PAQR5: variants seen among roughly 807,000 people sequenced by gnomAD.
The protein encoded by PAQR5 is membrane progestin receptor gamma.
In PAQR5, 20 loss-of-function variants were observed where a neutral mutation model predicts 34.5. The ratio of observed to expected loss-of-function variants is 0.58; its 90% confidence interval spans 0.41 to 0.84. The LOEUF (loss-of-function observed/expected upper bound fraction) is 0.84, where lower values mean the gene tolerates loss of function less well. Ranked by LOEUF, PAQR5 falls within the 40% of genes least tolerant of loss-of-function variation. PAQR5 has a pLI of 0.00. For missense variants in PAQR5, 378 were observed against 412.7 expected (o/e 0.92, Z 0.73); for synonymous variants, 131 against 155.6 (o/e 0.84, Z 1.18).
chr15:69,330,186 G>A (rs1468900268), intron 1 of PAQR5, among the ~76,000 whole-genome samples: 2 of 152,080 alleles, frequency 1.3e-5, no homozygotes, highest in Non-Finnish European at 2.9e-5. Flanking sequence ...AATACACCAG[G>A]GAATGTTAGT....
At chr15:69,393,650 G>A (rs529811714) in intron 6 of PAQR5, among the ~76,000 whole-genome samples, 63 of 152,252 alleles carry the variant, frequency 4.1e-4, no homozygotes, top group Non-Finnish European at 7.2e-4. Context: ...GGGCAGGAGC[G>A]GGAGAGAACC....
chr15:69,377,296 A>AG (rs1308249739), intron 3 of PAQR5, among the ~76,000 whole-genome samples: 1 of 152,214 alleles, frequency 6.6e-6, no homozygotes, highest in African/African-American at 2.4e-5. Flanking sequence ...AGTCCTGCCA[A>AG]GCACGTGCCG....
At chr15:69,316,343 G>T (rs952598667) in intron 1 of PAQR5, among the ~76,000 whole-genome samples, 1 of 152,102 alleles carries the variant, frequency 6.6e-6, no homozygotes, top group African/African-American at 2.4e-5. Flanking sequence ...GGCCTCCCAA[G>T]GTTCTGGGAT....
At chr15:69,355,601 A>C in intron 2 of PAQR5, among the ~76,000 whole-genome samples, 1 of 151,462 alleles carries the variant, frequency 6.6e-6, no homozygotes, top group East Asian at 2.0e-4. Context: ...TTGTATTTTT[A>C]GTAGAAACAG....
At chr15:69,392,800 AGAG>A (rs1371600348) in intron 6 of PAQR5, among the ~76,000 whole-genome samples, 1 of 148,978 alleles carries the variant, frequency 6.7e-6, no homozygotes, top group Non-Finnish European at 1.5e-5. Context: ...CTTTAGCTGA[AGAG>A]GAGGACATAG....
chr15:69,303,603 G>A (rs36075075), intron 1 of PAQR5, among the ~76,000 whole-genome samples: 68,287 of 149,056 alleles, frequency 0.46, 18,421 homozygotes, highest in Middle Eastern at 0.61. Flanking sequence ...CAATCAATCA[G>A]TCAGTCAATC....
chr15:69,402,506 C>CG (rs1207541646), intron 8 of PAQR5, among the ~76,000 whole-genome samples: 3 of 151,672 alleles, frequency 2.0e-5, no homozygotes, highest in Non-Finnish European at 4.4e-5. Flanking sequence ...TTAGTAGAGA[C>CG]GGGGTTTCAT....
intron 1 of PAQR5, among the ~76,000 whole-genome samples, chr15:69,307,497 T>G (rs2053744339): frequency 6.6e-6 from 1 of 152,152 alleles, no homozygotes; most frequent in African/African-American, 2.4e-5. Context: ...AAGCCCAGGC[T>G]GCAGGAAGAA....
At chr15:69,391,903 GA>G (rs1436128111) in intron 6 of PAQR5, 10 of 382,800 alleles carry the variant, frequency 2.6e-5, no homozygotes, top group Non-Finnish European at 4.7e-5. Flanking sequence ...CTAAAAATAC[GA>G]AAGTTAGCTG....
chr15:69,339,172 C>CG (rs1447202662), intron 2 of PAQR5, among the ~76,000 whole-genome samples: 3 of 144,488 alleles, frequency 2.1e-5, no homozygotes, highest in Admixed American at 6.9e-5. Context: ...CTGGCTACAC[C>CG]CCCCACCCCG....
chr15:69,326,001 A>G (rs560303674), intron 1 of PAQR5, among the ~76,000 whole-genome samples: 2 of 152,158 alleles, frequency 1.3e-5, no homozygotes, highest in East Asian at 3.9e-4. Flanking sequence ...TCCCTCTGAA[A>G]TGTATCTGTA....
chr15:69,400,014 C>A lies in PAQR5; in HGVS notation c.650C>A (p.Thr217Asn), dbSNP rs758279096. ...GGGGAGAGTGCACAAAATGAAGCCA[C>A]CTCGTACCACCAGAAGCACATGATC... ...FPGESAQNEA[T>N]SYHQKHMIMT... The change falls in exon 8 of 9, where the codon ACC becomes AAC. Residue 217 changes from threonine to asparagine, a missense_variant. By Grantham distance (65) the Thr-to-Asn change is moderately conservative. Coordinates refer to ENST00000395407, the MANE Select transcript of PAQR5 (RefSeq NM_017705.4). The A allele has an allele frequency of 2.5e-6, 4 of 1,614,180 alleles. No homozygotes were observed. In the South Asian group the frequency reaches 4.4e-5, roughly 18 times the overall value.
At chr15:69,335,702 C>T (rs2054500529) in intron 1 of PAQR5, among the ~76,000 whole-genome samples, 1 of 151,946 alleles carries the variant, frequency 6.6e-6, no homozygotes, top group Non-Finnish European at 1.5e-5. Context: ...AGATGCATGC[C>T]ACCCTTAGGT....
chr15:69,377,279 C>T (rs961086398), intron 3 of PAQR5, among the ~76,000 whole-genome samples: 5 of 152,220 alleles, frequency 3.3e-5, no homozygotes, highest in African/African-American at 9.6e-5. Flanking sequence ...TGCTAGAAGG[C>T]TTTCCGAGTC....
At chr15:69,311,219 G>C (rs2053827780) in intron 1 of PAQR5, among the ~76,000 whole-genome samples, 1 of 151,908 alleles carries the variant, frequency 6.6e-6, no homozygotes, top group Non-Finnish European at 1.5e-5. Context: ...AGAAGGGAGG[G>C]AAGACGGAGC....
At chr15:69,351,494 T>C (rs1284623775) in intron 2 of PAQR5, among the ~76,000 whole-genome samples, 1 of 152,224 alleles carries the variant, frequency 6.6e-6, no homozygotes, top group Non-Finnish European at 1.5e-5. Context: ...TCTCCAACCC[T>C]GTCTATAAAG....
chr15:69,345,772 T>C (rs185946214), intron 2 of PAQR5, among the ~76,000 whole-genome samples: 3 of 152,254 alleles, frequency 2.0e-5, no homozygotes, highest in East Asian at 3.9e-4. Flanking sequence ...ATCTGTATCC[T>C]AGGTAAAAAA....
chr15:69,376,350 G>A (rs1247866622), intron 3 of PAQR5, among the ~76,000 whole-genome samples: 1 of 152,226 alleles, frequency 6.6e-6, no homozygotes, highest in Non-Finnish European at 1.5e-5. Context: ...TCCTTTCAAT[G>A]TATGTACCAT....
chr15:69,389,524 C>T lies in PAQR5; in HGVS notation c.386-130C>T, dbSNP rs1426417556. The T allele has an allele frequency of 5.2e-6, 6 of 1,163,750 alleles. No homozygotes were observed. In the Admixed American group the frequency reaches 1.2e-4, roughly 24 times the overall value. 72.1% of individuals were successfully genotyped at this position (1,163,750 alleles called of 1,614,324 possible). The stretch of plus-strand genomic sequence containing the variant: ...GGACATCCTAGAAGGGGGAATGGCA[C>T]CAGCGAGGGCGCAGAGCCAGGACTG... On this transcript the variant is annotated intron_variant, in intron 5 of 8. Transcript: ENST00000395407.
Sources: allele counts gnomAD v4.1 joint callset (sites outside exome capture counted in the v4.1 genomes callset), GRCh38; gene constraint gnomAD v4.1.1; transcripts MANE v1.5; gene names NCBI Gene and HGNC (gene_info 2026-07-23, HGNC 2026-07-21).